Variants in RAB20 observed in about 807,000 individuals in gnomAD.
RAB20 encodes the protein ras-related protein Rab-20.
In RAB20, 2 loss-of-function variants were observed where a neutral mutation model predicts 3.7. That is an observed-to-expected ratio of 0.54 (90% CI 0.22 to 1.69). The LOEUF is 1.69. Among genes scored for constraint, RAB20 ranks in the 40% most tolerant of loss-of-function variants. The pLI is 0.19. For synonymous variants in RAB20, 126 were observed against 130.8 expected, an observed-to-expected ratio of 0.96 and a Z score of 0.25; for missense variants, 276 against 311.9, an observed-to-expected ratio of 0.88 and a Z score of 0.87.
rs550467558 is a variant in RAB20, at chr13:110,523,639, G to A, written c.*26C>T. The A allele has an allele frequency of 1.0e-5, 16 of 1,606,474 alleles. No individual in the cohort carries two copies. In the East Asian group the frequency reaches 2.0e-4, roughly 20 times the overall value. On this transcript the variant is annotated 3_prime_UTR_variant, in exon 2 of 2. Coordinates refer to ENST00000267328, the MANE Select transcript of RAB20 (RefSeq NM_017817.3). ...GTCAGACCCCTTCCCAACATGCACA[G>A]TCTGAGTCCAGGAGGCCCTCGAAAG...
At chr13:110,559,580 G>A (rs1885098705) in intron 1 of RAB20, among the ~76,000 whole-genome samples, 3 of 152,210 alleles carry the variant, frequency 2.0e-5, no homozygotes, top group Admixed American at 1.3e-4. Context: ...GGAATGTGGA[G>A]AAGGGGCCTG....
At chr13:110,528,152 C>T (rs1884465247) in intron 1 of RAB20, among the ~76,000 whole-genome samples, 1 of 151,872 alleles carries the variant, frequency 6.6e-6, no homozygotes, top group Non-Finnish European at 1.5e-5. Flanking sequence ...GCCGGAGACT[C>T]ATGCCTGGAA....
chr13:110,559,298 C>T (rs1159107951), intron 1 of RAB20, among the ~76,000 whole-genome samples: 3 of 151,914 alleles, frequency 2.0e-5, no homozygotes, highest in Admixed American at 1.3e-4. Context: ...CATTCTGCCT[C>T]GGTTATGACA....
chr13:110,552,723 AT>A (rs1376702137), intron 1 of RAB20, among the ~76,000 whole-genome samples: 3 of 149,848 alleles, frequency 2.0e-5, no homozygotes, highest in Admixed American at 6.6e-5. Context: ...AAATAAATAA[AT>A]AAATAAATAA....
At chr13:110,539,367 G>A (rs1424670202) in intron 1 of RAB20, among the ~76,000 whole-genome samples, 1 of 151,974 alleles carries the variant, frequency 6.6e-6, no homozygotes, top group Non-Finnish European at 1.5e-5. Context: ...AATACTGACC[G>A]ACAGCCATCC....
At chr13:110,539,549 GTTTTT>G (rs1196345857) in intron 1 of RAB20, among the ~76,000 whole-genome samples, 2,854 of 135,182 alleles carry the variant, frequency 0.021, 152 homozygotes, top group African/African-American at 0.076. Flanking sequence ...TTTTGTTTTT[GTTTTT>G]GGGTTTTTTG....
intron 1 of RAB20, among the ~76,000 whole-genome samples, chr13:110,531,532 C>T (rs929421926): frequency 2.0e-5 from 3 of 152,226 alleles, no homozygotes; most frequent in Non-Finnish European, 4.4e-5. Flanking sequence ...TCAGTTTCCC[C>T]GTCACTAAAA....
At chr13:110,534,717 C>T (rs192538785) in intron 1 of RAB20, among the ~76,000 whole-genome samples, 4 of 152,338 alleles carry the variant, frequency 2.6e-5, no homozygotes, top group African/African-American at 9.6e-5. Context: ...GTGAACTCCA[C>T]AAAACTGGAC....
chr13:110,527,551 CTGT>C (rs1884451116), intron 1 of RAB20, among the ~76,000 whole-genome samples: 1 of 152,198 alleles, frequency 6.6e-6, no homozygotes, highest in African/African-American at 2.4e-5. Context: ...CCTGGGAATG[CTGT>C]TGTTTGGGCG....
At chr13:110,534,236 A>G (rs974062187) in intron 1 of RAB20, among the ~76,000 whole-genome samples, 1 of 152,202 alleles carries the variant, frequency 6.6e-6, no homozygotes, top group African/African-American at 2.4e-5. Flanking sequence ...CAGCCCCCAG[A>G]CAGCAACAAA....
At position 110,561,610 on chromosome 13, in the gene RAB20, G is replaced by A. The variant is rs547404418; in HGVS notation, c.-91C>T. ...GGCGCAGCTGGAGGAGCGGACCCCG[G>A]ACTCGCCGGGACCCGGATTCTCGTG... On this transcript the variant is annotated 5_prime_UTR_variant, in exon 1 of 2. Transcript: ENST00000267328. The A allele has an allele frequency of 6.7e-7, 1 of 1,482,754 alleles. No individual in the cohort carries two copies. The highest frequency in any genetic ancestry group is 8.9e-7 in the Non-Finnish European group (1 of 1,119,512). 91.8% of individuals were successfully genotyped at this position (1,482,754 alleles called of 1,614,324 possible).
At chr13:110,539,564 G>GC (rs1555335769) in intron 1 of RAB20, among the ~76,000 whole-genome samples, 1 of 90,482 alleles carries the variant, frequency 1.1e-5, no homozygotes, top group Non-Finnish European at 2.8e-5. Flanking sequence ...TGGGTTTTTT[G>GC]TTTTTTTTTT....
chr13:110,545,386 C>T (rs1480388281), intron 1 of RAB20, among the ~76,000 whole-genome samples: 1 of 152,168 alleles, frequency 6.6e-6, no homozygotes, highest in African/African-American at 2.4e-5. Context: ...AAATAGTGCC[C>T]ATCCTAGCAC....
intron 1 of RAB20, among the ~76,000 whole-genome samples, chr13:110,546,343 T>C (rs947940987): frequency 1.4e-4 from 21 of 152,332 alleles, no homozygotes; most frequent in African/African-American, 5.1e-4. Flanking sequence ...TTTCTAAAAG[T>C]GTTCCAATTG....
intron 1 of RAB20, among the ~76,000 whole-genome samples, chr13:110,551,301 C>T (rs1203775510): frequency 6.6e-6 from 1 of 152,170 alleles, no homozygotes; most frequent in Non-Finnish European, 1.5e-5. Context: ...GCTACAAAGA[C>T]CAAGAAATGC....
chr13:110,561,700 C>G lies in RAB20; in HGVS notation c.-181G>C. On this transcript the variant is annotated 5_prime_UTR_variant, in exon 1 of 2. Transcript: ENST00000267328. ...AAGAGAGGAAGCGCGTGTGCGCGCC[C>G]GGGAAGGAGCTGGGTGCAGAGCACG... 8.8e-7 allele frequency: 1 copy of G among 1,136,294 alleles called. No homozygotes were observed. The highest frequency in any genetic ancestry group is 1.1e-6 in the Non-Finnish European group (1 of 870,834). 70.4% of individuals were successfully genotyped at this position (1,136,294 alleles called of 1,614,324 possible).
intron 1 of RAB20, among the ~76,000 whole-genome samples, chr13:110,526,352 AT>A (rs1884431082): frequency 6.6e-6 from 1 of 152,192 alleles, no homozygotes; most frequent in Non-Finnish European, 1.5e-5. Flanking sequence ...CCTGGTTCTG[AT>A]TTTTTAAAAA....
chr13:110,536,311 T>C lies in RAB20; in HGVS notation c.173-12114A>G, dbSNP rs116715566. On this transcript the variant is annotated intron_variant, in intron 1 of 1. Coordinates refer to ENST00000267328, the MANE Select transcript of RAB20 (RefSeq NM_017817.3). ...GATGAGCTTCTGCTGTTTGAAGCCC[T>C]CCCACTTTGTGGAACTTGGTGACTC... Among the ~76,000 whole-genome samples the C allele has an allele frequency of 9.0e-3, 1,371 of 152,180 alleles. 25 individuals are homozygous for C. Among genetic ancestry groups the C allele is most frequent in the African/African-American group, 0.032 (1,310 of 41,510 alleles).
rs1333487184 is a variant in RAB20 at position 110,561,701 on chromosome 13, G to A, written c.-182C>T. ...AGAGAGGAAGCGCGTGTGCGCGCCC[G>A]GGAAGGAGCTGGGTGCAGAGCACGG... On this transcript the variant is annotated 5_prime_UTR_variant, in exon 1 of 2. Transcript: ENST00000267328. 2.2e-5 allele frequency: 25 copies of A among 1,139,760 alleles called. 1 individual carries two copies. In the South Asian group the frequency reaches 4.4e-4, roughly 20 times the overall value. The allele number at this position is 1,139,760 out of a possible 1,614,324, so 70.6% of individuals were successfully genotyped here.
Sources: gnomAD v4.1 joint callset for allele counts (sites outside exome capture counted in the v4.1 genomes callset) on GRCh38, gnomAD v4.1.1 for gene constraint, MANE v1.5 for transcripts, NCBI Gene and HGNC (gene_info 2026-07-23, HGNC 2026-07-21) for gene names.